Variants in QKI observed in about 807,000 individuals in gnomAD.
QKI encodes the protein QKI, KH domain containing RNA binding, also known as KH domain-containing RNA-binding protein QKI.
A neutral mutation model predicts 39.0 loss-of-function variants in QKI; 10 were observed. The observed-to-expected ratio is 0.26, with a 90% CI of 0.16 to 0.43. QKI has a LOEUF of 0.43. Ranked by LOEUF, QKI falls within the 20% of genes least tolerant of loss-of-function variation. QKI has a pLI of 1.00. For synonymous variants in QKI, 204 were observed against 155.4 expected (o/e 1.31, Z -2.33); for missense variants, 218 against 428.0 (o/e 0.51, Z 4.33).
chr6:163,524,366 A>G (rs1267173138), intron 3 of QKI, among the ~76,000 whole-genome samples: 1 of 152,188 alleles, frequency 6.6e-6, no homozygotes, highest in East Asian at 1.9e-4. Flanking sequence ...TTTTATTCTG[A>G]AAATACATTT....
rs769837755 is a variant in QKI at position 163,563,580 on chromosome 6, C to T, written c.795C>T (p.Asn265=). The change falls in exon 6 of 8, where the codon AAC becomes AAT. Residue 265 remains asparagine (N), a synonymous_variant. Transcript: ENST00000361752. ...IRQIQTAVMP[N]GTPHPTAAIV... is the part of the protein sequence containing the mutation. ...AAATACAGACCGCTGTCATGCCAAACGGAACTCCTCACCCAACTGCTGCAA... is the reference window on the plus strand; with the variant it reads ...AAATACAGACCGCTGTCATGCCAAATGGAACTCCTCACCCAACTGCTGCAA... 4.2e-5 allele frequency: 67 copies of T among 1,614,050 alleles called. No homozygotes were observed. Among genetic ancestry groups the T allele is most frequent in the East Asian group, 6.7e-5 (3 of 44,878 alleles).
chr6:163,569,161 A>G (rs183625054), intron 7 of QKI: 21 of 949,528 alleles, frequency 2.2e-5, no homozygotes, highest in Admixed American at 1.8e-4. Flanking sequence ...ATTTTCTTCT[A>G]TGATTTTGGA....
chr6:163,526,397 G>GA (rs1780519761), intron 3 of QKI, among the ~76,000 whole-genome samples: 1 of 152,118 alleles, frequency 6.6e-6, no homozygotes, highest in Non-Finnish European at 1.5e-5. Flanking sequence ...ATGATGGTGA[G>GA]AATAACACCT....
At chr6:163,564,022 C>A in intron 6 of QKI, 1 of 1,186,782 alleles carries the variant, frequency 8.4e-7, no homozygotes, top group Non-Finnish European at 1.0e-6. Context: ...AGTTTTAGGT[C>A]CCACCCCATT....
chr6:163,551,164 C>T (rs1782215614), intron 4 of QKI, among the ~76,000 whole-genome samples: 1 of 152,186 alleles, frequency 6.6e-6, no homozygotes, highest in African/African-American at 2.4e-5. Context: ...ACTCTCACAA[C>T]ACCGAGTGCT....
At position 163,504,126 on chromosome 6, in the gene QKI, T is replaced by C. The variant is rs140380333; in HGVS notation, c.402+25230T>C. ...AGCCAGCTCTCCCAGCACCATTTATTGAATGGGGGATCTGTTCCCCATTGC... is the reference window on the plus strand; with the variant it reads ...AGCCAGCTCTCCCAGCACCATTTATCGAATGGGGGATCTGTTCCCCATTGC... On this transcript the variant is annotated intron_variant, in intron 3 of 7. Transcript: ENST00000361752. Among the ~76,000 whole-genome samples the C allele has an allele frequency of 2.9e-3, 435 of 152,236 alleles. 2 individuals carry two copies. Among genetic ancestry groups the C allele is most frequent in the African/African-American group, 9.7e-3 (403 of 41,534 alleles).
At chr6:163,517,074 TCTCTCTTTCTC>T (rs1562505546) in intron 3 of QKI, among the ~76,000 whole-genome samples, 6 of 62,020 alleles carry the variant, frequency 9.7e-5, no homozygotes, top group South Asian at 6.3e-4. Flanking sequence ...TCTCTCTCTC[TCTCTCTTTCTC>T]TCTCTCTCTC....
At chr6:163,567,523 A>G in intron 7 of QKI, 1 of 984,444 alleles carries the variant, frequency 1.0e-6, no homozygotes, top group Non-Finnish European at 1.2e-6. Context: ...AGCTGTGTGA[A>G]TATAATTTTT....
intron 4 of QKI, among the ~76,000 whole-genome samples, chr6:163,538,681 T>G (rs2128242232): frequency 6.6e-6 from 1 of 152,334 alleles, no homozygotes; most frequent in East Asian, 1.9e-4. Flanking sequence ...GAATAGACTT[T>G]GAGGGCAGTG....
chr6:163,449,738 C>T (rs1790409662), intron 1 of QKI, among the ~76,000 whole-genome samples: 1 of 151,872 alleles, frequency 6.6e-6, no homozygotes, highest in African/African-American at 2.4e-5. Context: ...ATTTCTAAAC[C>T]AGAAAGTAAT....
intron 1 of QKI, among the ~76,000 whole-genome samples, chr6:163,426,241 C>A (rs889917180): frequency 6.7e-6 from 1 of 149,808 alleles, no homozygotes. Context: ...CTAGAACCAT[C>A]TCTTTTTTTT....
intron 7 of QKI, chr6:163,570,213 TTC>T (rs1352279953): frequency 2.0e-6 from 2 of 983,114 alleles, no homozygotes; most frequent in African/African-American, 3.5e-5. Flanking sequence ...TTAGATTCAT[TTC>T]TGTTAATCAT....
At chr6:163,508,758 A>G (rs1022136324) in intron 3 of QKI, among the ~76,000 whole-genome samples, 12 of 150,170 alleles carry the variant, frequency 8.0e-5, no homozygotes, top group Non-Finnish European at 1.6e-4. Context: ...CAAACTCCTG[A>G]CCTCAGGTGA....
At chr6:163,426,366 G>A (rs1315221598) in intron 1 of QKI, among the ~76,000 whole-genome samples, 1 of 151,738 alleles carries the variant, frequency 6.6e-6, no homozygotes, top group African/African-American at 2.4e-5. Flanking sequence ...ATCTTCCACT[G>A]GAGTACTTCA....
intron 1 of QKI, among the ~76,000 whole-genome samples, chr6:163,448,723 G>A (rs1237982792): frequency 6.6e-6 from 1 of 152,062 alleles, no homozygotes; most frequent in African/African-American, 2.4e-5. Flanking sequence ...GGTGAAAAGA[G>A]TGAAACTCCA....
intron 1 of QKI, among the ~76,000 whole-genome samples, chr6:163,429,717 T>C (rs1328718493): frequency 6.6e-6 from 1 of 152,182 alleles, no homozygotes; most frequent in Admixed American, 6.5e-5. Context: ...GGATGCAACG[T>C]GATTTTCGAA....
chr6:163,462,833 T>C (rs1430747357), intron 2 of QKI, among the ~76,000 whole-genome samples: 1 of 152,156 alleles, frequency 6.6e-6, no homozygotes, highest in African/African-American at 2.4e-5. Flanking sequence ...CAATGGCAGT[T>C]GAAATGAAAA....
chr6:163,415,253 G>A lies in QKI; in HGVS notation c.60G>A (p.Gln20=), dbSNP rs1436470100. ...KPKPTPDYLM[Q]LMNDKKLMSS... ...AGCCCACCCCAGATTACCTGATGCA[G>A]CTGATGAACGACAAGAAGCTCATGA... The change falls in exon 1 of 8, where the codon CAG becomes CAA. Residue 20 remains glutamine (Q), a synonymous_variant. Coordinates refer to ENST00000361752, the MANE Select transcript of QKI (RefSeq NM_006775.3). 8.1e-6 allele frequency: 13 copies of A among 1,599,116 alleles called. No individual in the cohort carries two copies. Among genetic ancestry groups the A allele is most frequent in the Non-Finnish European group, 7.7e-6 (9 of 1,170,664 alleles).
intron 1 of QKI, among the ~76,000 whole-genome samples, chr6:163,445,516 A>T (rs1317268810): frequency 6.6e-6 from 1 of 151,592 alleles, no homozygotes; most frequent in South Asian, 2.1e-4. Flanking sequence ...GGTTTGTTTG[A>T]TGTGTTCTCA....
Sources: allele counts gnomAD v4.1 joint callset (sites outside exome capture counted in the v4.1 genomes callset), GRCh38; gene constraint gnomAD v4.1.1; transcripts MANE v1.5; gene names NCBI Gene and HGNC (gene_info 2026-07-23, HGNC 2026-07-21).